The following CEP72 variants were observed in gnomAD, a reference collection of about 807,000 sequenced individuals.
CEP72 encodes centrosomal protein 72.
In CEP72, 78 loss-of-function variants were observed where a neutral mutation model predicts 65.7. The observed-to-expected ratio is 1.19, with a 90% CI of 0.99 to 1.43. The LOEUF is 1.43. CEP72 is among the 40% of genes most tolerant of loss of function. CEP72 has a pLI of 0.00. For missense variants in CEP72, 914 were observed against 832.9 expected, an observed-to-expected ratio of 1.10 and a Z score of -1.20; for synonymous variants, 358 against 351.7, an observed-to-expected ratio of 1.02 and a Z score of -0.20.
rs371479405 is a variant in CEP72 at position 641,175 on chromosome 5, G to A, written c.1539+571G>A. The A allele has an allele frequency of 1.3e-4, 126 of 984,938 alleles. 1 individual carries two copies. The African/African-American group carries it at 1.9e-3, about 15-fold the overall frequency. The allele number at this position is 984,938 out of a possible 1,614,324, so 61.0% of individuals were successfully genotyped here. A position where few individuals can be genotyped will look rare whatever the true frequency, so the allele number is the denominator to read the frequency against. On this transcript the variant is annotated intron_variant, in intron 9 of 11. Coordinates refer to ENST00000264935, the MANE Select transcript of CEP72 (RefSeq NM_018140.4). ...GCCTCATGGGGGCTCTGTCTCAGCC[G>A]TGGGCTGGGGCCACCGTCTCATCTG...
chr5:664,925 TG>T (rs571884966), intron 2 of CEP72: 114 of 677,640 alleles, frequency 1.7e-4, no homozygotes, highest in African/African-American at 1.6e-3. Context: ...AGGGGAGTGC[TG>T]GGGGCATCCG....
At chr5:621,236 T>C (rs1736370463) in intron 3 of CEP72, among the ~76,000 whole-genome samples, 1 of 152,216 alleles carries the variant, frequency 6.6e-6, no homozygotes, top group Non-Finnish European at 1.5e-5. Flanking sequence ...CCCCTCCTTC[T>C]GAACCTAGGA....
At chr5:632,999 C>T (rs1249969296) in intron 4 of CEP72, among the ~76,000 whole-genome samples, 42 of 66,518 alleles carry the variant, frequency 6.3e-4, no homozygotes, top group Admixed American at 2.2e-3. Flanking sequence ...TGTCCAGTGC[C>T]GGGATTTGGC....
At chr5:664,217 G>A (rs986595097) in intron 2 of CEP72, 1 of 152,586 alleles carries the variant, frequency 6.6e-6, no homozygotes, top group Admixed American at 6.5e-5. Context: ...CGAACGGGAG[G>A]GCCGGGCAGA....
At chr5:668,632 C>T (rs150258092), downstream of CEP72, among the ~76,000 whole-genome samples, 5 of 152,370 alleles carry the variant, frequency 3.3e-5, no homozygotes, top group African/African-American at 1.2e-4. Flanking sequence ...GGCAGAGCCA[C>T]TGTGGACAGC....
chr5:651,385 G>A (rs1198925808), intron 11 of CEP72, among the ~76,000 whole-genome samples: 1 of 151,908 alleles, frequency 6.6e-6, no homozygotes, highest in Non-Finnish European at 1.5e-5. Flanking sequence ...GTGAATGTGA[G>A]GTGTGGACTG....
chr5:622,666 G>A (rs914203344), intron 3 of CEP72, among the ~76,000 whole-genome samples: 1 of 152,232 alleles, frequency 6.6e-6, no homozygotes, highest in East Asian at 1.9e-4. Context: ...AGCATGCGGC[G>A]TGCATGCGTG....
chr5:671,812 G>A (rs1163186618), downstream of CEP72, among the ~76,000 whole-genome samples: 4 of 151,334 alleles, frequency 2.6e-5, no homozygotes, highest in East Asian at 3.8e-4. Flanking sequence ...CAGAGCCGCC[G>A]AGTGCAAGCC....
intron 2 of CEP72, 85 bp from the exon 3 acceptor site, chr5:619,984 G>T (rs919882550): frequency 9.5e-7 from 1 of 1,047,658 alleles, no homozygotes; most frequent in African/African-American, 1.6e-5. Context: ...TATACAGTTG[G>T]TTGGTCAGTG....
chr5:629,417 A>C (rs1219728548), intron 4 of CEP72, among the ~76,000 whole-genome samples: 1 of 151,576 alleles, frequency 6.6e-6, no homozygotes, highest in African/African-American at 2.4e-5. Flanking sequence ...CAGTGCCGGG[A>C]TTTGGACCAG....
chr5:618,705 C>T (rs753927342), intron 1 of CEP72, among the ~76,000 whole-genome samples: 8 of 152,088 alleles, frequency 5.3e-5, no homozygotes, highest in Non-Finnish European at 1.2e-4. Flanking sequence ...ACCAACTGAA[C>T]AGGATTATTG....
intron 9 of CEP72, chr5:643,245 C>T (rs113750924): frequency 2.0e-6 from 2 of 985,288 alleles, no homozygotes; most frequent in African/African-American, 3.5e-5. Context: ...CACAGCCCTG[C>T]CTTAAGAGCT....
In CEP72 at chr5:647,860, C is replaced by T; in HGVS notation, c.1722C>T (p.His574=). ...GCGAGATTGTGGAACTGAAGCAGCA[C>T]CTGGAGCACTACGACAAGATCCAGG... The part of the protein sequence containing the change: ...LCGEIVELKQ[H]LEHYDKIQEL... The change falls in exon 11 of 12, where the codon CAC becomes CAT. Residue 574 remains histidine, a synonymous_variant. Transcript: ENST00000264935. 2 of 1,612,660 alleles carry T rather than the reference C, an allele frequency of 1.2e-6. No individual in the cohort carries two copies. Among genetic ancestry groups the T allele is most frequent in the Non-Finnish European group, 1.7e-6 (2 of 1,179,930 alleles).
chr5:629,222 GAC>G (rs1737041153), intron 4 of CEP72, among the ~76,000 whole-genome samples: 1 of 152,244 alleles, frequency 6.6e-6, no homozygotes, highest in South Asian at 2.1e-4. Context: ...GTCATATTCT[GAC>G]ACACCTCTGA....
At chr5:625,158 T>C (rs1305583431) in intron 4 of CEP72, among the ~76,000 whole-genome samples, 1 of 152,092 alleles carries the variant, frequency 6.6e-6, no homozygotes, top group Non-Finnish European at 1.5e-5. Flanking sequence ...TGCATGTCTA[T>C]GTTCGGTTGA....
intron 1 of CEP72, among the ~76,000 whole-genome samples, chr5:616,527 T>C (rs1366647500): frequency 6.6e-6 from 1 of 152,232 alleles, no homozygotes; most frequent in African/African-American, 2.4e-5. Flanking sequence ...TCATTTTTTA[T>C]CATATTGTGG....
rs1561064206 is a variant in CEP72, at chr5:650,151, G to GTGGACTGTGAGGTGTGACTGTGAGGCA, written c.1778+2255_1778+2256insTGAGGCATGGACTGTGAGGTGTGACTG. ...GGACTGTGAGGTGTGACTGTGAGGC[G>GTGGACTGTGAGGTGTGACTGTGAGGCA]TGGACTGTGAGGTGTGACTGAGGTG... On this transcript the variant is annotated intron_variant, in intron 11 of 11. Transcript: ENST00000264935. 6.3e-3 allele frequency among the ~76,000 whole-genome samples: 65 copies of GTGGACTGTGAGGTGTGACTGTGAGGCA among 10,244 alleles called. 1 individual carries two copies. Among genetic ancestry groups the GTGGACTGTGAGGTGTGACTGTGAGGCA allele is most frequent in the Admixed American group, 0.013 (10 of 796 alleles). The allele number at this position is 10,244 out of a possible 152,430, so 6.7% of individuals were successfully genotyped here.
chr5:612,380 C>G lies in CEP72; in HGVS notation c.19C>G (p.Arg7Gly). MARAGP[R>G]LVLSEEAVRA... ...TTGAAACATGGCGCGGGCTGGCCCT[C>G]GGCTGGTGCTGAGCGAGGAGGCGGT... is the stretch of plus-strand genomic sequence containing the variant. The change falls in exon 1 of 12, where the codon CGG (arginine) becomes GGG (glycine). Residue 7 changes from arginine (R) to glycine (G), a missense_variant. Coordinates refer to ENST00000264935, the MANE Select transcript of CEP72 (RefSeq NM_018140.4). The G allele has an allele frequency of 1.3e-6, 2 of 1,490,796 alleles. No homozygotes were observed. Among genetic ancestry groups the G allele is most frequent in the Non-Finnish European group, 1.8e-6 (2 of 1,125,334 alleles). The allele number at this position is 1,490,796 out of a possible 1,614,324, so 92.3% of individuals were successfully genotyped here.
downstream of CEP72, among the ~76,000 whole-genome samples, chr5:671,217 C>T (rs147771421): frequency 0.013 from 1,821 of 142,480 alleles, 43 homozygotes; most frequent in African/African-American, 0.045. Flanking sequence ...ATTAATTTTG[C>T]GTTGCTGCCG....
Sources: gnomAD v4.1 joint callset for allele counts (sites outside exome capture counted in the v4.1 genomes callset) on GRCh38, gnomAD v4.1.1 for gene constraint, MANE v1.5 for transcripts, NCBI Gene and HGNC (gene_info 2026-07-23, HGNC 2026-07-21) for gene names.